Variants in BNIP5 observed in about 807,000 individuals in gnomAD.
BNIP5 encodes protein BNIP5.
In BNIP5, 61 loss-of-function variants were observed where a neutral mutation model predicts 67.3. The observed-to-expected ratio is 0.91, with a 90% CI of 0.74 to 1.12. The LOEUF is 1.12. BNIP5 is among the 50% of genes most tolerant of loss of function. The pLI is 0.00. For missense variants in BNIP5, 826 were observed against 816.3 expected, an observed-to-expected ratio of 1.01 and a Z score of -0.14; for synonymous variants, 317 against 319.0, an observed-to-expected ratio of 0.99 and a Z score of 0.07.
intron 1 of BNIP5, 100 bp from the exon 2 acceptor site, chr6:36,330,794 CG>C: frequency 7.0e-7 from 1 of 1,423,832 alleles, no homozygotes; most frequent in South Asian, 1.5e-5. Flanking sequence ...GACGGAGCCT[CG>C]GTCTATTGCC....
intron 2 of BNIP5, 102 bp from the exon 3 acceptor site, chr6:36,328,816 T>C (rs1771821188): frequency 1.3e-6 from 1 of 793,798 alleles, no homozygotes; most frequent in African/African-American, 1.7e-5. Context: ...CAGCACAGAA[T>C]TCACAGTGCA....
intron 6 of BNIP5, among the ~76,000 whole-genome samples, chr6:36,324,916 G>A (rs1771727474): frequency 6.6e-6 from 1 of 151,944 alleles, no homozygotes; most frequent in Non-Finnish European, 1.5e-5. Flanking sequence ...TGAAGAAACT[G>A]AGACCAGAGA....
At chr6:36,319,785 G>C (rs925631951) in intron 10 of BNIP5, among the ~76,000 whole-genome samples, 175 bp from the exon 11 acceptor site, 1 of 152,192 alleles carries the variant, frequency 6.6e-6, no homozygotes, top group Admixed American at 6.5e-5. Flanking sequence ...GCGAGGTCCA[G>C]CTCAAAGCAG....
rs1771626245 is a variant in BNIP5 at position 36,321,102 on chromosome 6, G to C, written c.1668+53C>G. Reference sequence around the variant, plus strand: ...GGTGCAGACTTGGGGATGGAACCCAGGTGGGTAGATGAGGCCCTGGGGTTG... The same window carrying C: ...GGTGCAGACTTGGGGATGGAACCCACGTGGGTAGATGAGGCCCTGGGGTTG... On this transcript the variant is annotated intron_variant, in intron 10 of 11. Coordinates refer to ENST00000437635, the MANE Select transcript of BNIP5 (RefSeq NM_001010903.5). 4.1e-6 allele frequency: 5 copies of C among 1,233,960 alleles called. No homozygotes were observed. In the South Asian group the frequency reaches 5.1e-5, roughly 13 times the overall value. The allele number at this position is 1,233,960 out of a possible 1,614,324, so 76.4% of individuals were successfully genotyped here.
At chr6:36,326,374 C>T (rs1771760538) in intron 5 of BNIP5, 136 bp downstream of exon 5, 2 of 1,096,862 alleles carry the variant, frequency 1.8e-6, no homozygotes, top group Admixed American at 2.7e-5. Context: ...CAGTCATCCT[C>T]ACACCACTCA....
chr6:36,317,947 C>G (rs1280963357), intron 11 of BNIP5, among the ~76,000 whole-genome samples: 1 of 152,138 alleles, frequency 6.6e-6, no homozygotes, highest in Non-Finnish European at 1.5e-5. Context: ...CCTAAGCCAC[C>G]CTAGAGGGCA....
rs755201557 is a variant in BNIP5 at position 36,326,500 on chromosome 6, G to A, written c.1036+10C>T. The A allele has an allele frequency of 1.9e-6, 3 of 1,614,114 alleles. No individual in the cohort carries two copies. Among genetic ancestry groups the A allele is most frequent in the East Asian group, 4.5e-5 (2 of 44,882 alleles). Reference sequence around the variant, plus strand: ...GCAGGGTTGCTATGGCAACTGCAGAGCCTGCTCACCATAGCTGCTGGAGAT... The same window carrying A: ...GCAGGGTTGCTATGGCAACTGCAGAACCTGCTCACCATAGCTGCTGGAGAT... On this transcript the variant is annotated intron_variant, in intron 5 of 11. Coordinates refer to ENST00000437635, the MANE Select transcript of BNIP5 (RefSeq NM_001010903.5).
intron 2 of BNIP5, among the ~76,000 whole-genome samples, chr6:36,329,194 G>C (rs1005321309): frequency 5.3e-5 from 8 of 152,248 alleles, no homozygotes; most frequent in Non-Finnish European, 1.2e-4. Context: ...CCTGGAAGCA[G>C]CAGCCCAGAA....
intron 1 of BNIP5, among the ~76,000 whole-genome samples, chr6:36,331,975 C>G (rs1051046956): frequency 6.6e-6 from 1 of 152,198 alleles, no homozygotes; most frequent in Non-Finnish European, 1.5e-5. Context: ...TCCTAACTGA[C>G]CTCCCTGCTC....
chr6:36,331,179 T>A (rs1771897700), intron 1 of BNIP5, among the ~76,000 whole-genome samples: 1 of 152,134 alleles, frequency 6.6e-6, no homozygotes, highest in Non-Finnish European at 1.5e-5. Context: ...TTCTCAAAGC[T>A]GTTGTCTTGT....
chr6:36,323,194 C>T, intron 8 of BNIP5, 99 bp downstream of exon 8: 1 of 1,488,026 alleles, frequency 6.7e-7, no homozygotes, highest in Non-Finnish European at 9.2e-7. Context: ...CAACAGTGGA[C>T]ATCCTCCACT....
At chr6:36,332,792 T>C (rs1250532297) in intron 1 of BNIP5, among the ~76,000 whole-genome samples, 1 of 152,226 alleles carries the variant, frequency 6.6e-6, no homozygotes, top group Non-Finnish European at 1.5e-5. Flanking sequence ...TCTAAAACTC[T>C]TGGGGCTTTC....
intron 9 of BNIP5, 152 bp from the exon 10 acceptor site, chr6:36,321,371 C>A (rs985746170): frequency 4.7e-6 from 3 of 632,510 alleles, no homozygotes; most frequent in Non-Finnish European, 2.9e-6. Context: ...TGGACCCAGA[C>A]AATTCTTACC....
intron 2 of BNIP5, 24 bp from the exon 3 acceptor site, chr6:36,328,738 G>A (rs763476724): frequency 2.6e-5 from 37 of 1,411,028 alleles, no homozygotes; most frequent in Admixed American, 3.3e-5. Context: ...GAAAGCAAAC[G>A]GGTATGTAGG....
chr6:36,324,594 T>C (rs1298458983), intron 6 of BNIP5, among the ~76,000 whole-genome samples: 1 of 6,900 alleles, frequency 1.4e-4, no homozygotes, highest in Non-Finnish European at 2.8e-4. Flanking sequence ...TATATATATA[T>C]ATATATATAT....
chr6:36,324,890 G>T (rs1771727117), intron 6 of BNIP5, among the ~76,000 whole-genome samples: 1 of 151,806 alleles, frequency 6.6e-6, no homozygotes, highest in African/African-American at 2.4e-5. Flanking sequence ...GGTACTTGCT[G>T]CCCCCATTTC....
chr6:36,324,575 TTATATATATATATATATATATATATA>T lies in BNIP5; in HGVS notation c.1169-411_1169-386del, dbSNP rs58409463. Among the ~76,000 whole-genome samples the T allele has an allele frequency of 1.2e-3, 61 of 50,828 alleles. 2 individuals carry two copies. The highest frequency in any genetic ancestry group is 3.7e-3 in the South Asian group (4 of 1,072). 33.3% of individuals were successfully genotyped at this position (50,828 alleles called of 152,430 possible). On this transcript the variant is annotated intron_variant, in intron 6 of 11. Transcript: ENST00000437635. ...GGTCTTTTCAGACCTGACGGTGATA[TTATATATATATATATATATATATATA>T]TATATATATATATATATATATATAT...
In BNIP5 at chr6:36,324,571, GATATTATATATATATATATAT is replaced by G. The variant is rs1771712945; in HGVS notation, c.1169-402_1169-382del. On this transcript the variant is annotated intron_variant, in intron 6 of 11. Transcript: ENST00000437635. ...TCCAGGTCTTTTCAGACCTGACGGTGATATTATATATATATATATATATATATATATATATATATATATATA... is the reference window on the plus strand; with the variant it reads ...TCCAGGTCTTTTCAGACCTGACGGTGATATATATATATATATATATATATA... 3.0e-4 allele frequency among the ~76,000 whole-genome samples: 22 copies of G among 74,242 alleles called. 1 individual carries two copies. Among genetic ancestry groups the G allele is most frequent in the Non-Finnish European group, 4.3e-4 (18 of 41,910 alleles). 48.7% of individuals were successfully genotyped at this position (74,242 alleles called of 152,430 possible).
rs1378613565 is a variant in BNIP5, at chr6:36,323,297, G to A, written c.1467C>T (p.Ser489=). Residue 489 remains serine (S), a synonymous_variant, in exon 8 of 12, where the codon AGC becomes AGT. Coordinates refer to ENST00000437635, the MANE Select transcript of BNIP5 (RefSeq NM_001010903.5). ...GGCAACACCAGGCCTGCTCACCAAG[G>A]CTGCTGGAGGTGGAGGGCCGATGGC... The part of the protein sequence containing the change: ...VGGHRPSTSS[S]LDPEDLECRE... 1.9e-6 allele frequency: 3 copies of A among 1,614,202 alleles called. No individual in the cohort carries two copies. The highest frequency in any genetic ancestry group is 1.7e-6 in the Non-Finnish European group (2 of 1,180,044).
Sources: gnomAD v4.1 joint callset for allele counts (sites outside exome capture counted in the v4.1 genomes callset) on GRCh38, gnomAD v4.1.1 for gene constraint, MANE v1.5 for transcripts, NCBI Gene and HGNC (gene_info 2026-07-23, HGNC 2026-07-21) for gene names.